Variants in CDH4 observed in about 807,000 individuals in gnomAD.
CDH4 encodes the protein cadherin-4.
CDH4 carries 33 observed loss-of-function variants against 86.0 expected under a neutral mutation model. The ratio of observed to expected loss-of-function variants is 0.38; its 90% CI spans 0.29 to 0.51. The LOEUF is 0.51. CDH4 is among the 20% of genes least tolerant of loss of function. The pLI is 0.86. For missense variants in CDH4, 1,114 were observed against 1,307.4 expected, an observed-to-expected ratio of 0.85 and a Z score of 2.28; for synonymous variants, 555 against 549.4, an observed-to-expected ratio of 1.01 and a Z score of -0.14.
At chr20:61,594,685 G>A (rs2086542916) in intron 2 of CDH4, among the ~76,000 whole-genome samples, 1 of 152,158 alleles carries the variant, frequency 6.6e-6, no homozygotes, top group Admixed American at 6.5e-5. Flanking sequence ...GAATAAATGT[G>A]CGTCTTTAAG....
chr20:61,854,163 T>A (rs1982873535), intron 6 of CDH4, among the ~76,000 whole-genome samples: 1 of 152,146 alleles, frequency 6.6e-6, no homozygotes, highest in Non-Finnish European at 1.5e-5. Flanking sequence ...TGGGAGGCTG[T>A]TTCTGCATTG....
At chr20:61,504,882 T>C (rs975375932) in intron 2 of CDH4, among the ~76,000 whole-genome samples, 2 of 152,206 alleles carry the variant, frequency 1.3e-5, no homozygotes, top group Non-Finnish European at 2.9e-5. Flanking sequence ...ACCTTCACCG[T>C]TTCCTCTCCA....
chr20:61,826,017 C>G (rs1981294817), intron 4 of CDH4, among the ~76,000 whole-genome samples: 1 of 152,198 alleles, frequency 6.6e-6, no homozygotes, highest in Admixed American at 6.5e-5. Context: ...TGACCCCAGC[C>G]ACCATCCTAT....
At chr20:61,907,828 CTG>C (rs2054807695) in intron 8 of CDH4, among the ~76,000 whole-genome samples, 1 of 152,226 alleles carries the variant, frequency 6.6e-6, no homozygotes, top group Admixed American at 6.5e-5. Context: ...GCTGTCCACT[CTG>C]GAGTTTAGCA....
chr20:61,691,862 A>C (rs11698846), intron 2 of CDH4, among the ~76,000 whole-genome samples: 3,818 of 150,968 alleles, frequency 0.025, 72 homozygotes, highest in Middle Eastern at 0.055. Flanking sequence ...TGTGTATCGC[A>C]CACCTGTCTA....
At chr20:61,904,628 A>G (rs2054768799) in intron 8 of CDH4, among the ~76,000 whole-genome samples, 1 of 152,162 alleles carries the variant, frequency 6.6e-6, no homozygotes, top group African/African-American at 2.4e-5. Context: ...TGACTGTGCC[A>G]GCCCATCCGA....
chr20:61,594,193 C>G (rs548324642), intron 2 of CDH4, among the ~76,000 whole-genome samples: 1 of 104,892 alleles, frequency 9.5e-6, no homozygotes, highest in African/African-American at 3.9e-5. Context: ...GGGGACTGAC[C>G]TGAGCAGGGG....
chr20:61,717,355 T>C (rs904848557), intron 2 of CDH4, among the ~76,000 whole-genome samples: 6 of 152,246 alleles, frequency 3.9e-5, no homozygotes, highest in Non-Finnish European at 8.8e-5. Context: ...CAGACGCTGC[T>C]GCTCTCTGAG....
intron 2 of CDH4, among the ~76,000 whole-genome samples, chr20:61,333,358 A>G (rs901995977): frequency 4.6e-5 from 7 of 152,226 alleles, no homozygotes; most frequent in Non-Finnish European, 8.8e-5. Flanking sequence ...TCTGAGTCAT[A>G]GAAACCTCAA....
At chr20:61,507,978 G>T (rs1029151141) in intron 2 of CDH4, among the ~76,000 whole-genome samples, 1 of 152,222 alleles carries the variant, frequency 6.6e-6, no homozygotes, top group Non-Finnish European at 1.5e-5. Context: ...TGACCCCACC[G>T]CCGGGAAGAC....
intron 2 of CDH4, among the ~76,000 whole-genome samples, chr20:61,514,344 A>G (rs1016838592): frequency 7.5e-5 from 8 of 106,990 alleles, no homozygotes; most frequent in Non-Finnish European, 1.0e-4. Context: ...CCCGATGTCT[A>G]TGTGACAGTG....
chr20:61,558,409 C>T (rs534605041), intron 2 of CDH4, among the ~76,000 whole-genome samples: 33 of 152,150 alleles, frequency 2.2e-4, no homozygotes, highest in African/African-American at 7.2e-4. Flanking sequence ...TTCTTTTCAG[C>T]GGCAAAAGTG....
In CDH4 at chr20:61,804,986, C is replaced by T. The variant is rs548630932; in HGVS notation, c.576+31804C>T. 6.6e-5 allele frequency among the ~76,000 whole-genome samples: 10 copies of T among 152,322 alleles called. No individual in the cohort carries two copies. In the South Asian group the frequency reaches 1.9e-3, roughly 28 times the overall value. ...CTTTCCCCTCATCCCGCAGACCTGC[C>T]GTCTTTGACATTAGCCCCGGTCTCC... On this transcript the variant is annotated intron_variant, in intron 4 of 15. Coordinates refer to ENST00000614565, the MANE Select transcript of CDH4 (RefSeq NM_001794.5).
chr20:61,537,880 G>A (rs1220707385), intron 2 of CDH4, among the ~76,000 whole-genome samples: 6 of 152,194 alleles, frequency 3.9e-5, no homozygotes, highest in Admixed American at 6.5e-5. Context: ...GGGGCCGAGC[G>A]AGTCGGCTGC....
intron 2 of CDH4, among the ~76,000 whole-genome samples, chr20:61,666,559 G>T (rs2087326807): frequency 1.3e-5 from 2 of 152,340 alleles, no homozygotes; most frequent in African/African-American, 4.8e-5. Flanking sequence ...ACTGAATTCA[G>T]AGTCCACATG....
chr20:61,565,106 GGTGGTGCTGGTGCTCT>G (rs2086259049), intron 2 of CDH4, among the ~76,000 whole-genome samples: 4 of 132,818 alleles, frequency 3.0e-5, no homozygotes, highest in Non-Finnish European at 6.9e-5. Context: ...TGGTGCTCTT[GGTGGTGCTGGTGCTCT>G]TGGTGGTGCT....
rs561885623 is a variant in CDH4, at chr20:61,733,543, G to A, written c.170-10020G>A. On this transcript the variant is annotated intron_variant, in intron 2 of 15. Transcript: ENST00000614565. ...GTCACAGTGACTTTGTTCGTGGGCC[G>A]GCTGCCTCATGGTCTTCCCACCACA... Among the ~76,000 whole-genome samples the A allele has an allele frequency of 9.4e-4, 143 of 152,204 alleles. 2 individuals are homozygous for A. Among genetic ancestry groups the A allele is most frequent in the African/African-American group, 3.0e-3 (124 of 41,518 alleles).
rs550994615 is a variant in CDH4 at position 61,782,152 on chromosome 20, C to CA, written c.576+8977dup. 5.3e-5 allele frequency among the ~76,000 whole-genome samples: 8 copies of CA among 152,076 alleles called. No homozygotes were observed. In the South Asian group the frequency reaches 1.0e-3, roughly 20 times the overall value. On this transcript the variant is annotated intron_variant, in intron 4 of 15. Coordinates refer to ENST00000614565, the MANE Select transcript of CDH4 (RefSeq NM_001794.5). ...TGAAACCCCATCTCTACTAAAAATACAAAAAAATCAGCTGGGTGTGGTGGC... is the reference window on the plus strand; with the variant it reads ...TGAAACCCCATCTCTACTAAAAATACAAAAAAAATCAGCTGGGTGTGGTGGC...
Position 61,940,223 on chromosome 20 carries a change from T to TTTTAC in CDH4, c.*3284_*3288dup, listed in dbSNP as rs1156758723. ...CACCTCTCTGTACAATTGGAATGCG[T>TTTTAC]TTTACTTTTCTTTTCTCTCCTTTTT... On this transcript the variant is annotated 3_prime_UTR_variant, in exon 16 of 16. Transcript: ENST00000614565. 6.6e-6 allele frequency: 1 copy of TTTTAC among 152,042 alleles called. No homozygotes were observed. Among genetic ancestry groups the TTTTAC allele is most frequent in the Admixed American group, 6.6e-5 (1 of 15,264 alleles). 9.4% of individuals were successfully genotyped at this position (152,042 alleles called of 1,614,324 possible).
Sources: allele counts gnomAD v4.1 joint callset (sites outside exome capture counted in the v4.1 genomes callset), GRCh38; gene constraint gnomAD v4.1.1; transcripts MANE v1.5; gene names NCBI Gene and HGNC (gene_info 2026-07-23, HGNC 2026-07-21).